The following CFAP43 variants were observed in gnomAD, a reference collection of about 807,000 sequenced individuals.
The protein encoded by CFAP43 is cilia and flagella associated protein 43.
Under a neutral mutation model 218.9 loss-of-function variants are expected in CFAP43, and 155 were observed. The ratio of observed to expected loss-of-function variants is 0.71; its 90% CI spans 0.62 to 0.81. The LOEUF (loss-of-function observed/expected upper bound fraction) is 0.81, where lower values mean the gene tolerates loss of function less well. Ranked by LOEUF, CFAP43 falls within the 30% of genes least tolerant of loss-of-function variation. The probability of loss-of-function intolerance (pLI) is 0.00; values close to 1 mark genes in which losing one functional copy is unlikely to be tolerated. For missense variants in CFAP43, 1,778 were observed against 1,954.3 expected (o/e 0.91, Z 1.70); for synonymous variants, 645 against 681.3 (o/e 0.95, Z 0.83).
intron 5 of CFAP43, among the ~76,000 whole-genome samples, chr10:104,208,032 TTAGA>T (rs772707336): frequency 6.8e-4 from 104 of 152,186 alleles, no homozygotes; most frequent in Non-Finnish European, 1.2e-3. Context: ...CCTCATAGCC[TTAGA>T]TAGTTAGAAA....
intron 21 of CFAP43, 144 bp downstream of exon 21, chr10:104,168,600 C>T: frequency 1.6e-6 from 1 of 633,662 alleles, no homozygotes. Context: ...GGGACACATC[C>T]AGGTGAAATT....
chr10:104,137,400 A>G (rs1487993571), intron 34 of CFAP43, among the ~76,000 whole-genome samples: 1 of 152,238 alleles, frequency 6.6e-6, no homozygotes, highest in Non-Finnish European at 1.5e-5. Flanking sequence ...ACAAAATACT[A>G]AGAATAGGCA....
intron 14 of CFAP43, among the ~76,000 whole-genome samples, chr10:104,186,370 G>T (rs2090030310): frequency 6.6e-6 from 1 of 152,098 alleles, no homozygotes; most frequent in African/African-American, 2.4e-5. Flanking sequence ...TTATTTACTT[G>T]CCATTAAAAA....
At chr10:104,152,818 T>G in intron 27 of CFAP43, 92 bp from the exon 28 acceptor site, 1 of 1,413,958 alleles carries the variant, frequency 7.1e-7, no homozygotes, top group African/African-American at 1.4e-5. Flanking sequence ...GAGGGGCAGA[T>G]GGAGGGCAGC....
At chr10:104,160,037 T>G (rs1017011069) in intron 27 of CFAP43, among the ~76,000 whole-genome samples, 1 of 152,178 alleles carries the variant, frequency 6.6e-6, no homozygotes, top group African/African-American at 2.4e-5. Flanking sequence ...AGTTTTTCTT[T>G]AGCCACTTCA....
At chr10:104,142,484 T>C in intron 32 of CFAP43, 91 bp from the exon 33 acceptor site, 1 of 830,414 alleles carries the variant, frequency 1.2e-6, no homozygotes, top group South Asian at 2.0e-5. Context: ...TTAAAAACCT[T>C]AACAGGTCTA....
Position 104,132,255 on chromosome 10 carries a change from A to G in CFAP43, c.4597-59T>C, listed in dbSNP as rs1321955001. ...TTTCTCTCTTTCAATAGATGACTTT[A>G]TAAAGGTTGTTTTAGCTTTGAAAGT... On this transcript the variant is annotated intron_variant, in intron 35 of 37. Transcript: ENST00000357060. 4.1e-6 allele frequency: 5 copies of G among 1,223,058 alleles called. No individual in the cohort carries two copies. The South Asian group carries it at 7.0e-5, about 17-fold the overall frequency. The allele number at this position is 1,223,058 out of a possible 1,614,324, so 75.8% of individuals were successfully genotyped here.
chr10:104,188,258 T>C lies in CFAP43; in HGVS notation c.1687+12A>G. On this transcript the variant is annotated intron_variant, in intron 13 of 37. Coordinates refer to ENST00000357060, the MANE Select transcript of CFAP43 (RefSeq NM_025145.7). ...GCTCAGGAGCAGAACTGGCTGCTTA[T>C]GTTTTCCTTACCTTGTGGCAGTAAT... 1.2e-6 allele frequency: 2 copies of C among 1,613,056 alleles called. No homozygotes were observed. The highest frequency in any genetic ancestry group is 1.1e-5 in the South Asian group (1 of 90,768).
intron 3 of CFAP43, among the ~76,000 whole-genome samples, chr10:104,220,020 T>C (rs1179070788): frequency 6.6e-6 from 1 of 152,110 alleles, no homozygotes; most frequent in Non-Finnish European, 1.5e-5. Context: ...TTACAGAGGG[T>C]AATCAAGTTA....
At chr10:104,185,187 A>G (rs1256894933) in intron 15 of CFAP43, 41 bp from the exon 16 acceptor site, 3 of 1,610,738 alleles carry the variant, frequency 1.9e-6, no homozygotes, top group East Asian at 4.5e-5. Context: ...TACAAATGCA[A>G]TTCTACCACA....
chr10:104,203,584 A>C, intron 8 of CFAP43, 88 bp downstream of exon 8: 2 of 1,314,188 alleles, frequency 1.5e-6, no homozygotes, highest in Admixed American at 2.4e-5. Flanking sequence ...ACCACTGTGC[A>C]GCATACTCTG....
At chr10:104,188,144 A>G in intron 13 of CFAP43, 126 bp downstream of exon 13, 1 of 1,231,058 alleles carries the variant, frequency 8.1e-7, no homozygotes, top group Non-Finnish European at 1.1e-6. Flanking sequence ...TTACTTTGTA[A>G]AGATAGACAA....
intron 5 of CFAP43, among the ~76,000 whole-genome samples, chr10:104,210,649 T>C (rs1316555535): frequency 2.6e-5 from 4 of 152,194 alleles, no homozygotes; most frequent in Admixed American, 2.0e-4. Context: ...GTCTCTTGAA[T>C]AGCACCCCAC....
chr10:104,164,398 A>C, intron 23 of CFAP43, 98 bp from the exon 24 acceptor site: 2 of 1,053,396 alleles, frequency 1.9e-6, no homozygotes, highest in Non-Finnish European at 1.3e-6. Context: ...TCATTCCACA[A>C]ATTTTTTTTT....
chr10:104,170,477 C>A (rs2089363519), intron 20 of CFAP43, among the ~76,000 whole-genome samples: 1 of 152,082 alleles, frequency 6.6e-6, no homozygotes, highest in Admixed American at 6.5e-5. Flanking sequence ...AGGAAGCGGG[C>A]AGGCACTGAA....
intron 35 of CFAP43, 145 bp from the exon 36 acceptor site, chr10:104,132,341 G>T: frequency 1.5e-6 from 1 of 653,218 alleles, no homozygotes; most frequent in South Asian, 2.4e-5. Context: ...GCCAGGCGTG[G>T]TGGCATACGC....
chr10:104,143,024 T>C (rs1333434588), intron 32 of CFAP43, among the ~76,000 whole-genome samples: 2 of 152,212 alleles, frequency 1.3e-5, no homozygotes, highest in Admixed American at 6.5e-5. Flanking sequence ...ACTAATATAT[T>C]TTAATTAAAT....
In CFAP43 at chr10:104,166,484, C is replaced by T. The variant is rs2089159768; in HGVS notation, c.3039+4G>A. The T allele has an allele frequency of 1.9e-6, 3 of 1,604,982 alleles. No homozygotes were observed. Among genetic ancestry groups the T allele is most frequent in the South Asian group, 2.2e-5 (2 of 89,606 alleles). On this transcript the variant is annotated splice_donor_region_variant and intron_variant, in intron 23 of 37. Coordinates refer to ENST00000357060, the MANE Select transcript of CFAP43 (RefSeq NM_025145.7). The stretch of plus-strand genomic sequence containing the variant: ...TTTTCAGGATAAAAAGAAAATTGAC[C>T]CACTTTCAATAATATAATTTGGTTG...
At chr10:104,176,777 G>T (rs2089645104) in intron 19 of CFAP43, among the ~76,000 whole-genome samples, 1 of 152,224 alleles carries the variant, frequency 6.6e-6, no homozygotes, top group African/African-American at 2.4e-5. Flanking sequence ...GAACAGAGCA[G>T]CTGCTGAGCT....
Sources: allele counts gnomAD v4.1 joint callset (sites outside exome capture counted in the v4.1 genomes callset), GRCh38; gene constraint gnomAD v4.1.1; transcripts MANE v1.5; gene names NCBI Gene and HGNC (gene_info 2026-07-23, HGNC 2026-07-21).